MAP2K1: variants seen among roughly 807,000 people sequenced by gnomAD.
MAP2K1 encodes the protein mitogen-activated protein kinase kinase 1, also known as dual specificity mitogen-activated protein kinase kinase 1.
In MAP2K1, 16 loss-of-function variants were observed where a neutral mutation model predicts 46.3. The observed-to-expected ratio is 0.35, with a 90% CI of 0.23 to 0.52. The LOEUF (loss-of-function observed/expected upper bound fraction) is 0.52, where lower values mean the gene tolerates loss of function less well. MAP2K1 is among the 20% of genes least tolerant of loss of function. The pLI is 0.94. For synonymous variants in MAP2K1, 183 were observed against 185.6 expected, an observed-to-expected ratio of 0.99 and a Z score of 0.11; for missense variants, 263 against 497.1, an observed-to-expected ratio of 0.53 and a Z score of 4.48.
intron 1 of MAP2K1, among the ~76,000 whole-genome samples, chr15:66,421,129 T>C (rs866134263): frequency 0.18 from 23,197 of 132,296 alleles, 2,080 homozygotes; most frequent in Middle Eastern, 0.29. Context: ...CACACACATA[T>C]ATATATATAT....
intron 5 of MAP2K1, among the ~76,000 whole-genome samples, chr15:66,461,190 C>T (rs898195743): frequency 1.9e-4 from 29 of 152,010 alleles, no homozygotes; most frequent in African/African-American, 7.0e-4. Flanking sequence ...TGCCCAACAC[C>T]ATAGAGGAAC....
intron 8 of MAP2K1, 94 bp from the exon 9 acceptor site, chr15:66,489,121 A>G: frequency 1.0e-6 from 1 of 994,896 alleles, no homozygotes; most frequent in East Asian, 2.4e-5. Flanking sequence ...CTTTAAAAAA[A>G]AGTAGCACTG....
chr15:66,469,023 C>T (rs1344769904), intron 5 of MAP2K1, among the ~76,000 whole-genome samples: 4 of 150,484 alleles, frequency 2.7e-5, no homozygotes, highest in Non-Finnish European at 4.4e-5. Flanking sequence ...TTTGGGAGGC[C>T]GAGGCGGGTG....
chr15:66,460,002 G>A (rs534733455), intron 5 of MAP2K1, among the ~76,000 whole-genome samples: 1 of 152,200 alleles, frequency 6.6e-6, no homozygotes, highest in Admixed American at 6.5e-5. Flanking sequence ...TCCTATCTGT[G>A]TGTGACTAAG....
intron 3 of MAP2K1, among the ~76,000 whole-genome samples, chr15:66,441,831 A>G (rs2140595107): frequency 6.6e-6 from 1 of 152,190 alleles, no homozygotes; most frequent in East Asian, 1.9e-4. Flanking sequence ...TGCTCAATAT[A>G]GACAGGATAC....
At chr15:66,416,775 G>C (rs1404478831) in intron 1 of MAP2K1, among the ~76,000 whole-genome samples, 1 of 152,158 alleles carries the variant, frequency 6.6e-6, no homozygotes, top group African/African-American at 2.4e-5. Context: ...TGGAAGGTTT[G>C]GGGTGGGGAG....
At chr15:66,477,725 G>A (rs1048613422) in intron 5 of MAP2K1, among the ~76,000 whole-genome samples, 1 of 152,164 alleles carries the variant, frequency 6.6e-6, no homozygotes, top group African/African-American at 2.4e-5. Context: ...GTGTGGGCCG[G>A]GTGAGGGAGC....
intron 6 of MAP2K1, 122 bp from the exon 7 acceptor site, chr15:66,484,868 A>G: frequency 1.1e-6 from 1 of 880,290 alleles, no homozygotes; most frequent in South Asian, 1.3e-5. Flanking sequence ...CAAATTCAAG[A>G]GGTTAGTGGA....
chr15:66,486,182 T>C (rs1893034935), intron 7 of MAP2K1, among the ~76,000 whole-genome samples: 1 of 152,254 alleles, frequency 6.6e-6, no homozygotes, highest in South Asian at 2.1e-4. Flanking sequence ...ATTATAGGCA[T>C]GAGCCACTGC....
At chr15:66,472,651 TGAG>T (rs1453224558) in intron 5 of MAP2K1, among the ~76,000 whole-genome samples, 1 of 152,224 alleles carries the variant, frequency 6.6e-6, no homozygotes, top group Non-Finnish European at 1.5e-5. Context: ...GTATGTGTGA[TGAG>T]GAGACAAGGA....
chr15:66,484,770 A>T (rs959264220), intron 6 of MAP2K1, among the ~76,000 whole-genome samples: 7 of 152,202 alleles, frequency 4.6e-5, no homozygotes, highest in Non-Finnish European at 1.0e-4. Context: ...AGGCCAGATT[A>T]TAGGAGAAAT....
In MAP2K1 at chr15:66,387,309, C is replaced by T. The variant is rs1187942498; in HGVS notation, c.-39C>T. On this transcript the variant is annotated 5_prime_UTR_variant, in exon 1 of 11. Coordinates refer to ENST00000307102, the MANE Select transcript of MAP2K1 (RefSeq NM_002755.4). ...AGCGGGAGGAAGCGAGAGGTGCTGC[C>T]CTCCCCCCGGAGTTGGAAGCGCGTT... 3 of 1,509,216 alleles carry T rather than the reference C, an allele frequency of 2.0e-6. No individual in the cohort carries two copies. Among genetic ancestry groups the T allele is most frequent in the African/African-American group, 1.4e-5 (1 of 71,754 alleles). The allele number at this position is 1,509,216 out of a possible 1,614,324, so 93.5% of individuals were successfully genotyped here. A position where few individuals can be genotyped will look rare whatever the true frequency, so the allele number is the denominator to read the frequency against.
chr15:66,435,250 TGA>T lies in MAP2K1; in HGVS notation c.291+14_291+15del, dbSNP rs772060156. 2.1e-4 allele frequency: 330 copies of T among 1,608,680 alleles called. 1 individual carries two copies. The highest frequency in any genetic ancestry group is 3.4e-5 in the Non-Finnish European group (40 of 1,175,018). The stretch of plus-strand genomic sequence containing the variant: ...CATGGCCAGAAAGGTGAGTTTGCCT[TGA>T]TTAACAGGTAATTGGATTATTTCTC... On this transcript the variant is annotated intron_variant, in intron 2 of 10. Transcript: ENST00000307102.
At chr15:66,459,678 T>C (rs757375748) in intron 5 of MAP2K1, among the ~76,000 whole-genome samples, 24 of 152,070 alleles carry the variant, frequency 1.6e-4, no homozygotes, top group Non-Finnish European at 2.9e-4. Context: ...GTCTCCAAAG[T>C]GTCTCACGGT....
intron 1 of MAP2K1, among the ~76,000 whole-genome samples, chr15:66,414,202 C>CT (rs1555414220): frequency 8.1e-6 from 1 of 123,070 alleles, no homozygotes. Flanking sequence ...TACCCAGAGT[C>CT]AGGCAGACCT....
Position 66,442,547 on chromosome 15 carries a change from G to A in MAP2K1, c.439-733G>A, listed in dbSNP as rs116092533. ...CTGTATCACTTTCTTAGGCAGTTAT[G>A]GTTTCATTGTAATGTTGGGAAAAAC... On this transcript the variant is annotated intron_variant, in intron 3 of 10. Transcript: ENST00000307102. Among the ~76,000 whole-genome samples the A allele has an allele frequency of 7.8e-3, 1,192 of 152,194 alleles. 13 individuals are homozygous for A. Among genetic ancestry groups the A allele is most frequent in the African/African-American group, 0.027 (1,118 of 41,506 alleles).
At chr15:66,485,472 G>T (rs969871899) in intron 7 of MAP2K1, among the ~76,000 whole-genome samples, 4 of 152,118 alleles carry the variant, frequency 2.6e-5, no homozygotes, top group South Asian at 2.1e-4. Flanking sequence ...ATTATTAAGG[G>T]TCTTGCTATG....
intron 1 of MAP2K1, among the ~76,000 whole-genome samples, chr15:66,402,498 T>G (rs181029591): frequency 3.9e-5 from 6 of 152,340 alleles, no homozygotes; most frequent in African/African-American, 1.4e-4. Flanking sequence ...TATATATTTT[T>G]TAATTTGGTG....
chr15:66,457,597 A>G (rs935340592), intron 5 of MAP2K1, among the ~76,000 whole-genome samples: 15 of 152,162 alleles, frequency 9.9e-5, no homozygotes, highest in Admixed American at 2.0e-4. Flanking sequence ...CTTTTTTTAT[A>G]GAAAAATCTT....
Sources: allele counts gnomAD v4.1 joint callset (sites outside exome capture counted in the v4.1 genomes callset), GRCh38; gene constraint gnomAD v4.1.1; transcripts MANE v1.5; gene names NCBI Gene and HGNC (gene_info 2026-07-23, HGNC 2026-07-21).